The following RAP1GAP2 variants were observed in gnomAD, a reference collection of about 807,000 sequenced individuals.
The protein encoded by RAP1GAP2 is rap1 GTPase-activating protein 2.
Under a neutral mutation model 95.0 loss-of-function variants are expected in RAP1GAP2, and 27 were observed. The observed-to-expected ratio is 0.28, with a 90% CI of 0.21 to 0.39. The LOEUF (loss-of-function observed/expected upper bound fraction) is 0.39. Ranked by LOEUF, RAP1GAP2 falls within the 10% of genes least tolerant of loss-of-function variation. RAP1GAP2 has a pLI of 1.00. For missense variants in RAP1GAP2, 771 were observed against 970.0 expected (o/e 0.79, Z 2.72); for synonymous variants, 373 against 380.9 (o/e 0.98, Z 0.24).
At chr17:2,808,966 G>A (rs1312823745) in intron 2 of RAP1GAP2, among the ~76,000 whole-genome samples, 1 of 152,186 alleles carries the variant, frequency 6.6e-6, no homozygotes, top group Non-Finnish European at 1.5e-5. Flanking sequence ...CTGGAGTCTC[G>A]GGGCGTGCGT....
chr17:2,863,890 A>G (rs2072512936), intron 2 of RAP1GAP2, among the ~76,000 whole-genome samples: 1 of 152,060 alleles, frequency 6.6e-6, no homozygotes, highest in Non-Finnish European at 1.5e-5. Context: ...CGTCTCTACT[A>G]AAAATACAAA....
chr17:2,848,289 T>C (rs1277571048), intron 2 of RAP1GAP2, among the ~76,000 whole-genome samples: 1 of 152,086 alleles, frequency 6.6e-6, no homozygotes, highest in Non-Finnish European at 1.5e-5. Context: ...TAATATGACG[T>C]CTGTGGCCCC....
intron 2 of RAP1GAP2, among the ~76,000 whole-genome samples, chr17:2,856,650 G>A (rs1164572879): frequency 6.6e-6 from 1 of 152,202 alleles, no homozygotes; most frequent in African/African-American, 2.4e-5. Flanking sequence ...GGGGGCAGGT[G>A]CAGTGAGGCC....
At chr17:2,789,586 C>A (rs564694627) in intron 1 of RAP1GAP2, among the ~76,000 whole-genome samples, 1 of 124,396 alleles carries the variant, frequency 8.0e-6, no homozygotes, top group Non-Finnish European at 1.6e-5. Context: ...CATGGTGAAA[C>A]GACTCACAGA....
chr17:2,899,109 C>G (rs1193591340), intron 2 of RAP1GAP2, among the ~76,000 whole-genome samples: 3 of 152,148 alleles, frequency 2.0e-5, no homozygotes, highest in Admixed American at 6.5e-5. Context: ...ACCGTGCTTC[C>G]TAGGTGCATC....
At chr17:2,864,836 C>A (rs1042780432) in intron 2 of RAP1GAP2, among the ~76,000 whole-genome samples, 45 of 152,182 alleles carry the variant, frequency 3.0e-4, no homozygotes, top group African/African-American at 1.1e-3. Flanking sequence ...GAATTACCTC[C>A]AAACAAAATG....
intron 2 of RAP1GAP2, among the ~76,000 whole-genome samples, chr17:2,821,297 T>A (rs529822249): frequency 6.6e-5 from 10 of 151,984 alleles, no homozygotes; most frequent in Admixed American, 6.6e-5. Context: ...TTAGAGAATA[T>A]GTACAAATAG....
chr17:2,926,807 C>A (rs1330222454), intron 3 of RAP1GAP2, among the ~76,000 whole-genome samples: 1 of 151,762 alleles, frequency 6.6e-6, no homozygotes, highest in Admixed American at 6.6e-5. Flanking sequence ...GAGTTCGAGA[C>A]CAGCCTGGCC....
At chr17:2,938,496 C>T (rs921167294) in intron 3 of RAP1GAP2, among the ~76,000 whole-genome samples, 6 of 152,108 alleles carry the variant, frequency 3.9e-5, no homozygotes, top group African/African-American at 9.7e-5. Flanking sequence ...TGGGCTGAGC[C>T]GGGGCTGGCT....
At chr17:2,916,596 G>A (rs939906184) in intron 3 of RAP1GAP2, among the ~76,000 whole-genome samples, 3 of 152,172 alleles carry the variant, frequency 2.0e-5, no homozygotes, top group Non-Finnish European at 4.4e-5. Context: ...TCAACAGGTC[G>A]CTTCATCTCC....
rs576874496 is a variant in RAP1GAP2, at chr17:2,847,344, G to A, written c.80+46794G>A. On this transcript the variant is annotated intron_variant, in intron 2 of 24. Transcript: ENST00000254695. ...TTAAAGGACAACAGCATTTGGAGGC[G>A]TTTGAGAGAAATCTCTAGCTAGGGT... 5.3e-5 allele frequency among the ~76,000 whole-genome samples: 8 copies of A among 152,246 alleles called. No individual in the cohort carries two copies. The South Asian group carries it at 8.3e-4, about 16-fold the overall frequency.
chr17:2,882,064 C>T (rs1468475874), intron 2 of RAP1GAP2, among the ~76,000 whole-genome samples: 2 of 150,114 alleles, frequency 1.3e-5, no homozygotes, highest in African/African-American at 4.9e-5. Context: ...TCGTGATCCA[C>T]TTGCCTCAGT....
At chr17:2,806,545 A>C (rs1413899917) in intron 2 of RAP1GAP2, among the ~76,000 whole-genome samples, 1 of 149,136 alleles carries the variant, frequency 6.7e-6, no homozygotes, top group Non-Finnish European at 1.5e-5. Context: ...GGTGCGGCCC[A>C]CCGTGCCCGG....
intron 19 of RAP1GAP2, among the ~76,000 whole-genome samples, chr17:3,021,581 GCA>G (rs1555602840): frequency 6.6e-6 from 1 of 152,034 alleles, no homozygotes; most frequent in Non-Finnish European, 1.5e-5. Context: ...GACTACAGGC[GCA>G]TGCCACCACA....
At chr17:2,947,640 T>C (rs989877498) in intron 3 of RAP1GAP2, among the ~76,000 whole-genome samples, 1 of 152,004 alleles carries the variant, frequency 6.6e-6, no homozygotes, top group Admixed American at 6.6e-5. Context: ...TCGAGGACCT[T>C]CTGTTCTGCA....
chr17:2,781,439 C>A (rs898091368), intron 1 of RAP1GAP2, among the ~76,000 whole-genome samples: 3 of 152,186 alleles, frequency 2.0e-5, no homozygotes, highest in Non-Finnish European at 4.4e-5. Flanking sequence ...CCTTGGAGGG[C>A]TTGTTGCTGG....
intron 2 of RAP1GAP2, among the ~76,000 whole-genome samples, chr17:2,863,718 T>C (rs1352202947): frequency 6.6e-6 from 1 of 152,106 alleles, no homozygotes; most frequent in Non-Finnish European, 1.5e-5. Flanking sequence ...GAGGCATCTC[T>C]CTTGTCTTTG....
At position 2,963,801 on chromosome 17, in the gene RAP1GAP2, C is replaced by A. The variant is rs1250288590; in HGVS notation, c.280-55C>A. The A allele has an allele frequency of 7.0e-7, 1 of 1,430,514 alleles. No individual in the cohort carries two copies. The highest frequency in any genetic ancestry group is 9.5e-7 in the Non-Finnish European group (1 of 1,057,786). The allele number at this position is 1,430,514 out of a possible 1,614,324, so 88.6% of individuals were successfully genotyped here. ...AGCGCAGAGGGGACACCGCCACCGGCCCCCTCCCTCCCCTGCGGTCCCAGG... is the reference window on the plus strand; with the variant it reads ...AGCGCAGAGGGGACACCGCCACCGGACCCCTCCCTCCCCTGCGGTCCCAGG... On this transcript the variant is annotated intron_variant, in intron 6 of 24. Transcript: ENST00000254695. This position sits in a 1 kb window ranked among gnomAD's most constrained non-coding sequence, Gnocchi z 4.8.
At chr17:2,886,029 G>T (rs752173620) in intron 2 of RAP1GAP2, among the ~76,000 whole-genome samples, 2 of 152,010 alleles carry the variant, frequency 1.3e-5, no homozygotes, top group East Asian at 1.9e-4. Context: ...TTGAGATGTC[G>T]CATGAGAAGA....
Sources: gnomAD v4.1 joint callset for allele counts (sites outside exome capture counted in the v4.1 genomes callset) on GRCh38, gnomAD v4.1.1 for gene constraint, Gnocchi (gnomAD v3.1) non-coding constraint, MANE v1.5 for transcripts, NCBI Gene and HGNC (gene_info 2026-07-23, HGNC 2026-07-21) for gene names.